NOTCH1: variants seen among roughly 807,000 people sequenced by gnomAD.
The protein encoded by NOTCH1 is neurogenic locus notch homolog protein 1.
In NOTCH1, 37 loss-of-function variants were observed where a neutral mutation model predicts 254.8. That is an observed-to-expected ratio of 0.15 (90% CI 0.11 to 0.19). The LOEUF (loss-of-function observed/expected upper bound fraction) is 0.19, where lower values mean the gene tolerates loss of function less well. Among genes scored for constraint, NOTCH1 ranks in the 10% least tolerant of loss-of-function variants. The pLI, the probability that NOTCH1 is intolerant of heterozygous loss-of-function variation, is 1.00. For synonymous variants in NOTCH1, 1,731 were observed against 1,618.1 expected (o/e 1.07, Z -1.68); for missense variants, 2,972 against 3,708.6 (o/e 0.80, Z 5.16).
At chr9:136,508,847 A>C (rs2133348572) in intron 19 of NOTCH1, 23 bp downstream of exon 19, 1 of 1,533,718 alleles carries the variant, frequency 6.5e-7, no homozygotes, top group Non-Finnish European at 8.8e-7. Context: ...TCCTTCGGGC[A>C]CCTCTGTGGC....
chr9:136,527,362 C>T (rs1218344935), intron 2 of NOTCH1, among the ~76,000 whole-genome samples: 2 of 152,250 alleles, frequency 1.3e-5, no homozygotes, highest in Non-Finnish European at 2.9e-5. Flanking sequence ...GGTACCCGGG[C>T]CACTCTGTCT....
Position 136,513,587 on chromosome 9 carries a change from CG to C in NOTCH1, c.2208-51del. 6.2e-7 allele frequency: 1 copy of C among 1,607,766 alleles called. No individual in the cohort carries two copies. The stretch of plus-strand genomic sequence containing the variant: ...TCGAGGGAGGCCCGAGCAGCACGGC[CG>C]GGGCCTGGGCACTCCCGGGTCTGCA... On this transcript the variant is annotated intron_variant, in intron 13 of 33. Transcript: ENST00000651671. The surrounding 1 kb of genome is among the most constrained non-coding windows in gnomAD (Gnocchi z 4.7).
Position 136,506,529 on chromosome 9 carries a change from C to T in NOTCH1, c.4012G>A (p.Ala1338Thr), listed in dbSNP as rs2133342359. The T allele has an allele frequency of 6.3e-7, 1 of 1,596,154 alleles. No individual in the cohort carries two copies. ...TARGFICKCP[A>T]GFEGATCEND... is the part of the protein sequence containing the mutation. ...CCTCCCTGCACCCCTGCACCTACCG[C>T]AGGGCACTTGCAGATGAACCCGCGG... Residue 1338 changes from alanine to threonine, a missense_variant and splice_region_variant, in exon 24 of 34, where the codon GCG (alanine) becomes ACG (threonine). By Grantham distance (58) the Ala-to-Thr change is moderately conservative (BLOSUM62 0). Transcript: ENST00000651671. The surrounding 1 kb of genome is among the most constrained non-coding windows in gnomAD (Gnocchi z 4.5).
In NOTCH1 at chr9:136,506,820, C is replaced by G. The variant is rs760055967; in HGVS notation, c.3797G>C (p.Gly1266Ala). 1.9e-6 allele frequency: 3 copies of G among 1,612,244 alleles called. No homozygotes were observed. The highest frequency in any genetic ancestry group is 1.7e-6 in the Non-Finnish European group (2 of 1,179,666). Residue 1266 changes from glycine (G) to alanine (A), a missense_variant, in exon 23 of 34, where the codon GGG becomes GCG. By Grantham distance (60) the Gly-to-Ala change is moderately conservative. Coordinates refer to ENST00000651671, the MANE Select transcript of NOTCH1 (RefSeq NM_017617.5). The surrounding 1 kb of genome is among the most constrained non-coding windows in gnomAD (Gnocchi z 4.5). ...ATTGGACAGGCACTCGTTGACATCC[C>G]CCTCACAGCGCTCACCCACGAAGCC... ...PPGFVGERCE[G>A]DVNECLSNPC...
Position 136,515,585 on chromosome 9 carries a change from C to T in NOTCH1, c.1801G>A (p.Glu601Lys), listed in dbSNP as rs749381544. The T allele has an allele frequency of 2.6e-5, 42 of 1,610,414 alleles. No individual in the cohort carries two copies. The highest frequency in any genetic ancestry group is 1.8e-4 in the Admixed American group (11 of 59,942). ...CTGGAGCACTCGTTGATGTTGGTCTCGCAGTGGTGGCCCGTGTAGCCTGGG... is the reference window on the plus strand; with the variant it reads ...CTGGAGCACTCGTTGATGTTGGTCTTGCAGTGGTGGCCCGTGTAGCCTGGG... ...CRPGYTGHHC[E>K]TNINECSSQP... The change falls in exon 11 of 34, where the codon GAG becomes AAG. Residue 601 changes from glutamate to lysine, a missense_variant. By Grantham distance (56) the Glu-to-Lys change is moderately conservative (BLOSUM62 1). Around this residue, in one of 8 missense-constraint regions of NOTCH1, gnomAD observed 128 missense variants for 193.8 expected, o/e 0.66. Coordinates refer to ENST00000651671, the MANE Select transcript of NOTCH1 (RefSeq NM_017617.5).
Position 136,543,953 on chromosome 9 carries a change from C to T in NOTCH1, c.140+71G>A, listed in dbSNP as rs143229795. 8,665 of 1,379,680 alleles carry T rather than the reference C, an allele frequency of 6.3e-3. 55 individuals are homozygous for T. Among genetic ancestry groups the T allele is most frequent in the Non-Finnish European group, 5.9e-3 (5,897 of 991,826 alleles). The allele number at this position is 1,379,680 out of a possible 1,614,324, so 85.5% of individuals were successfully genotyped here. On this transcript the variant is annotated intron_variant, in intron 2 of 33. Coordinates refer to ENST00000651671, the MANE Select transcript of NOTCH1 (RefSeq NM_017617.5). ...GAAGACAATGGCCTAGTGTTCTGTC[C>T]CCTGCGCGGCTGCAGAAGGCAGGGG... is the stretch of plus-strand genomic sequence containing the variant.
At position 136,496,121 on chromosome 9, in the gene NOTCH1, G is replaced by C. The variant is rs1842909700; in HGVS notation, c.7618C>G (p.Pro2540Ala). Residue 2540 changes from proline to alanine, a missense_variant, in exon 34 of 34, where the codon CCC becomes GCC. Pro to Ala is a conservative substitution (Grantham distance 27). Coordinates refer to ENST00000651671, the MANE Select transcript of NOTCH1 (RefSeq NM_017617.5). ...SDWSEGVSSP[P>A]TSMQSQIARI... The stretch of plus-strand genomic sequence containing the variant: ...GCGATCTGGGACTGCATGCTGGTGG[G>C]AGGGCTGGAGACGCCCTCGGACCAG... 3 of 1,609,328 alleles carry C rather than the reference G, an allele frequency of 1.9e-6. No homozygotes were observed. The highest frequency in any genetic ancestry group is 1.1e-5 in the South Asian group (1 of 90,112).
At chr9:136,519,937 A>ACTGGGGC (rs1375323598) in intron 4 of NOTCH1, among the ~76,000 whole-genome samples, 2 of 152,214 alleles carry the variant, frequency 1.3e-5, no homozygotes, top group Admixed American at 1.3e-4. Context: ...AGGGGCTGAC[A>ACTGGGGC]CTGGGGCCTG....
At chr9:136,533,341 AG>A (rs1203085948) in intron 2 of NOTCH1, among the ~76,000 whole-genome samples, 45 of 47,780 alleles carry the variant, frequency 9.4e-4, no homozygotes, top group Admixed American at 1.2e-3. Context: ...AAAAGCCGTC[AG>A]GGAAACCACA....
At position 136,523,812 on chromosome 9, in the gene NOTCH1, T is replaced by A. The variant is rs2133379226; in HGVS notation, c.308A>T (p.Asp103Val). ...FSGPLCLTPL[D>V]NACLTNPCRN... ...GCAGGGGTTGGTGAGGCAGGCATTGTCCAGGGGTGTCAGGCAGAGGGGCCC... is the reference window on the plus strand; with the variant it reads ...GCAGGGGTTGGTGAGGCAGGCATTGACCAGGGGTGTCAGGCAGAGGGGCCC... Residue 103 changes from aspartate to valine, a missense_variant, in exon 3 of 34, where the codon GAC (aspartate) becomes GTC (valine). By Grantham distance (152) the Asp-to-Val change is radical. This residue lies in a region of NOTCH1 where 374 missense variants were observed against 496.3 expected (regional missense o/e 0.75). Coordinates refer to ENST00000651671, the MANE Select transcript of NOTCH1 (RefSeq NM_017617.5). The A allele has an allele frequency of 6.2e-7, 1 of 1,611,676 alleles. No homozygotes were observed. The highest frequency in any genetic ancestry group is 8.5e-7 in the Non-Finnish European group (1 of 1,179,594).
At chr9:136,516,425 T>C (rs1351444754) in intron 9 of NOTCH1, among the ~76,000 whole-genome samples, 2 of 152,324 alleles carry the variant, frequency 1.3e-5, no homozygotes, top group South Asian at 2.1e-4. Context: ...AGCCTAGGCT[T>C]GGGCTGGCAA....
chr9:136,503,276 C>T lies in NOTCH1; in HGVS notation c.5073G>A (p.Gln1691=), dbSNP rs61751538. ...CCACGTCGGTGGCACTCTGGAAGCA[C>T]TGCGAGGAGGCCTGCACACACTGCC... ...DNRQCVQASS[Q]CFQSATDVAA... Residue 1691 remains glutamine (Q), a synonymous_variant, in exon 27 of 34, where the codon CAG becomes CAA. Coordinates refer to ENST00000651671, the MANE Select transcript of NOTCH1 (RefSeq NM_017617.5). 4.5e-3 allele frequency: 7,263 copies of T among 1,613,022 alleles called. 25 individuals are homozygous for T. Among genetic ancestry groups the T allele is most frequent in the Non-Finnish European group, 5.5e-3 (6,495 of 1,179,968 alleles).
intron 4 of NOTCH1, chr9:136,522,543 G>A (rs1393533944): frequency 1.7e-5 from 7 of 413,868 alleles, no homozygotes; most frequent in South Asian, 1.4e-4. Flanking sequence ...AACCCTGGGG[G>A]TTGCGCAAGT....
At chr9:136,525,041 G>A (rs1843437893) in intron 2 of NOTCH1, among the ~76,000 whole-genome samples, 1 of 152,122 alleles carries the variant, frequency 6.6e-6, no homozygotes, top group Non-Finnish European at 1.5e-5. Flanking sequence ...CCCTGCCCAC[G>A]CTCAGCCCCC....
rs2133377629 is a variant in NOTCH1 at position 136,523,025 on chromosome 9, G to A, written c.567C>T (p.Cys189=). ...VNECGQKPGL[C]RHGGTCHNEV... is the part of the protein sequence containing the mutation. The stretch of plus-strand genomic sequence containing the variant: ...CGTTGTGGCAGGTGCCTCCGTGGCG[G>A]CAAAGCCCGGGCTTCTGGCCACACT... Residue 189 remains cysteine, a synonymous_variant, in exon 4 of 34, where the codon TGC becomes TGT. Coordinates refer to ENST00000651671, the MANE Select transcript of NOTCH1 (RefSeq NM_017617.5). 6.4e-7 allele frequency: 1 copy of A among 1,551,768 alleles called. No homozygotes were observed. Among genetic ancestry groups the A allele is most frequent in the East Asian group, 2.4e-5 (1 of 41,082 alleles).
rs777578180 is a variant in NOTCH1 at position 136,505,299 on chromosome 9, C to T, written c.4586+11G>A. 9 of 1,559,672 alleles carry T rather than the reference C, an allele frequency of 5.8e-6. No individual in the cohort carries two copies. The highest frequency in any genetic ancestry group is 1.9e-5 in the Admixed American group (1 of 51,756). On this transcript the variant is annotated intron_variant, in intron 25 of 33. Transcript: ENST00000651671. The stretch of plus-strand genomic sequence containing the variant: ...GGTCCTCCCTCAGCCCCATGAGCCC[C>T]GCAGCCTTACTTGCACTGGCCTTCC...
chr9:136,499,018 G>C (rs1274472958), intron 32 of NOTCH1, 22 bp from the exon 33 acceptor site: 2 of 1,613,046 alleles, frequency 1.2e-6, no homozygotes, highest in Non-Finnish European at 8.5e-7. Context: ...AAGCAGATGG[G>C]GTAGGTTGGA....
chr9:136,535,291 G>A (rs190834741), intron 2 of NOTCH1, among the ~76,000 whole-genome samples: 161 of 152,112 alleles, frequency 1.1e-3, no homozygotes, highest in Non-Finnish European at 1.8e-3. Context: ...CGAAGCCACC[G>A]CTTTGCATTA....
Position 136,519,453 on chromosome 9 carries a change from T to C in NOTCH1, c.855A>G (p.Pro285=), listed in dbSNP as rs770278837. 6.2e-7 allele frequency: 1 copy of C among 1,612,930 alleles called. No homozygotes were observed. The highest frequency in any genetic ancestry group is 1.7e-5 in the Admixed American group (1 of 60,036). ...GACCCGTATACGCGCCTGTCCACTC[T>C]GGCGGGCAGCGGCAGTTGTAGGTGT... ...GVNTYNCRCP[P]EWTGQYCTED... is the part of the protein sequence containing the mutation. The change falls in exon 5 of 34, where the codon CCA becomes CCG. Residue 285 remains proline (P), a synonymous_variant. Coordinates refer to ENST00000651671, the MANE Select transcript of NOTCH1 (RefSeq NM_017617.5).
Sources: allele counts gnomAD v4.1 joint callset (sites outside exome capture counted in the v4.1 genomes callset), GRCh38; gene constraint gnomAD v4.1.1; regional missense constraint gnomAD v4.1.1; non-coding constraint Gnocchi (gnomAD v3.1); transcripts MANE v1.5; gene names NCBI Gene and HGNC (gene_info 2026-07-23, HGNC 2026-07-21).